Variants in ERICH6B observed in about 807,000 individuals in gnomAD.
ERICH6B encodes glutamate rich 6B, also known as glutamate-rich protein 6B.
ERICH6B carries 69 observed loss-of-function variants against 80.0 expected under a neutral mutation model. That is an observed-to-expected ratio of 0.86 (90% CI 0.71 to 1.05). The LOEUF is 1.05. ERICH6B is among the 50% of genes least tolerant of loss of function. ERICH6B has a pLI of 0.00. For synonymous variants in ERICH6B, 283 were observed against 291.9 expected (o/e 0.97, Z 0.31); for missense variants, 754 against 796.1 (o/e 0.95, Z 0.64).
chr13:45,593,413 T>C (rs558157057), intron 3 of ERICH6B, among the ~76,000 whole-genome samples: 1 of 152,198 alleles, frequency 6.6e-6, no homozygotes, highest in African/African-American at 2.4e-5. Flanking sequence ...ATACATCATG[T>C]AATATAATAA....
At chr13:45,557,264 C>T (rs1874480405) in intron 11 of ERICH6B, among the ~76,000 whole-genome samples, 1 of 151,604 alleles carries the variant, frequency 6.6e-6, no homozygotes, top group African/African-American at 2.4e-5. Flanking sequence ...TGTCCTTGGC[C>T]CATTTTTTGA....
In ERICH6B at chr13:45,563,721, G is replaced by A; in HGVS notation, c.1249+6C>T. ...ACGTGGTGGAAAATGGTGGAGTGGTGCCTACCTTCACGTCTCCTCTTAATC... is the reference window on the plus strand; with the variant it reads ...ACGTGGTGGAAAATGGTGGAGTGGTACCTACCTTCACGTCTCCTCTTAATC... On this transcript the variant is annotated splice_donor_region_variant and intron_variant, in intron 10 of 14. Coordinates refer to ENST00000298738, the MANE Select transcript of ERICH6B (RefSeq NM_182542.3). 1 of 1,552,048 alleles carries A rather than the reference G, an allele frequency of 6.4e-7. No homozygotes were observed. The highest frequency in any genetic ancestry group is 1.2e-5 in the South Asian group (1 of 84,050).
intron 3 of ERICH6B, 76 bp downstream of exon 3, chr13:45,596,293 C>A (rs1876364994): frequency 6.9e-7 from 1 of 1,455,522 alleles, no homozygotes; most frequent in East Asian, 2.5e-5. Context: ...TTTCCAGATA[C>A]TCTTCTTCAT....
Position 45,596,660 on chromosome 13 carries a change from G to GATACTCTTCCTCTTCAAT in ERICH6B, c.328_345dup (p.Ile110_Tyr115dup). 6.4e-7 allele frequency: 1 copy of GATACTCTTCCTCTTCAAT among 1,551,386 alleles called. No homozygotes were observed. The highest frequency in any genetic ancestry group is 8.7e-7 in the Non-Finnish European group (1 of 1,146,690). ...TCCTCCAGATACCCTTCCTTCCCCA[G>GATACTCTTCCTCTTCAAT]ATACTCTTCCTCTTCAATATACTCT... On this transcript the variant is annotated inframe_insertion, in exon 3 of 15. Transcript: ENST00000298738.
At position 45,606,523 on chromosome 13, in the gene ERICH6B, ATATATATATATATATATATATATAT is replaced by A. The variant is rs1949863103; in HGVS notation, c.-59+1016_-59+1040del. On this transcript the variant is annotated intron_variant, in intron 2 of 14. Transcript: ENST00000298738. ...TGTATGTGTATATATATATATATAT[ATATATATATATATATATATATATAT>A]TTTTTTTTTTTTTTTTTTTTTTGGA... 2.0e-4 allele frequency among the ~76,000 whole-genome samples: 7 copies of A among 34,402 alleles called. No homozygotes were observed. In the South Asian group the frequency reaches 6.6e-3, roughly 33 times the overall value. The allele number at this position is 34,402 out of a possible 152,430, so 22.6% of individuals were successfully genotyped here.
chr13:45,590,785 G>T, intron 3 of ERICH6B, 88 bp from the exon 4 acceptor site: 2 of 1,071,328 alleles, frequency 1.9e-6, no homozygotes, highest in Non-Finnish European at 2.7e-6. Context: ...CGTGGAGAGG[G>T]CCCTAGTTAT....
At chr13:45,592,300 C>T (rs947499912) in intron 3 of ERICH6B, among the ~76,000 whole-genome samples, 4 of 152,260 alleles carry the variant, frequency 2.6e-5, no homozygotes, top group Non-Finnish European at 5.9e-5. Context: ...AAGAAACCAG[C>T]TCTGGGGCTC....
chr13:45,561,605 G>C (rs1874686313), intron 10 of ERICH6B, 79 bp from the exon 11 acceptor site: 1 of 1,470,030 alleles, frequency 6.8e-7, no homozygotes, highest in Non-Finnish European at 9.1e-7. Flanking sequence ...TCTCTCTCAA[G>C]GTGCCAAAGG....
At chr13:45,577,900 A>G (rs1875490055) in intron 7 of ERICH6B, among the ~76,000 whole-genome samples, 1 of 152,066 alleles carries the variant, frequency 6.6e-6, no homozygotes, top group South Asian at 2.1e-4. Context: ...GCCTCTTAAC[A>G]TTTTTCTTGA....
chr13:45,596,702 C>G lies in ERICH6B; in HGVS notation c.304G>C (p.Gly102Arg). Reference protein sequence around the residue: ...LEEEEYLEKAGYLEEEEYIEE... With the variant: ...LEEEEYLEKARYLEEEEYIEE... ...ATATACTCTTCCTCCTCCAGATACCCTGCCTTCTCCAGATACTCTTCCTCC... is the reference window on the plus strand; with the variant it reads ...ATATACTCTTCCTCCTCCAGATACCGTGCCTTCTCCAGATACTCTTCCTCC... The change falls in exon 3 of 15, where the codon GGG becomes CGG. Residue 102 changes from glycine (G) to arginine (R), a missense_variant. Physicochemically the swap from Gly to Arg is moderately radical, Grantham distance 125. Transcript: ENST00000298738. The G allele has an allele frequency of 6.4e-7, 1 of 1,551,962 alleles. No homozygotes were observed. The highest frequency in any genetic ancestry group is 8.7e-7 in the Non-Finnish European group (1 of 1,147,042).
chr13:45,564,093 G>A (rs948032623), intron 9 of ERICH6B, among the ~76,000 whole-genome samples: 1 of 152,208 alleles, frequency 6.6e-6, no homozygotes, highest in African/African-American at 2.4e-5. Context: ...AGAGCAGGGA[G>A]GTCCAAATGC....
intron 8 of ERICH6B, among the ~76,000 whole-genome samples, chr13:45,570,167 A>G (rs928282694): frequency 6.6e-6 from 1 of 152,152 alleles, no homozygotes; most frequent in Non-Finnish European, 1.5e-5. Flanking sequence ...AACTATCCCT[A>G]TCATCATGGT....
chr13:45,582,182 G>A (rs997296621), intron 5 of ERICH6B, among the ~76,000 whole-genome samples: 24 of 152,192 alleles, frequency 1.6e-4, no homozygotes, highest in African/African-American at 5.5e-4. Flanking sequence ...CTTCTGTTGA[G>A]CCCCCACCAA....
Position 45,587,139 on chromosome 13 carries a change from C to T in ERICH6B, c.780G>A (p.Glu260=), listed in dbSNP as rs773716324. The change falls in exon 5 of 15, where the codon GAG becomes GAA. Residue 260 remains glutamate, a synonymous_variant. Coordinates refer to ENST00000298738, the MANE Select transcript of ERICH6B (RefSeq NM_182542.3). ...ACAATGTCAGAAGCAACTCAGAAGA[C>T]TCTGTGGCAGATTCAGAGACAGGAG... ...TPSPVSESAT[E]SSELLLTLYR... 3.9e-6 allele frequency: 6 copies of T among 1,551,700 alleles called. No individual in the cohort carries two copies. Among genetic ancestry groups the T allele is most frequent in the South Asian group, 1.2e-5 (1 of 84,064 alleles).
intron 2 of ERICH6B, among the ~76,000 whole-genome samples, chr13:45,598,463 G>A (rs906670923): frequency 6.6e-6 from 1 of 152,080 alleles, no homozygotes; most frequent in Non-Finnish European, 1.5e-5. Context: ...GCTTGCTTTG[G>A]GGACTTAAGA....
intron 4 of ERICH6B, 65 bp downstream of exon 4, chr13:45,590,584 G>T: frequency 6.9e-7 from 1 of 1,452,530 alleles, no homozygotes; most frequent in Non-Finnish European, 9.4e-7. Flanking sequence ...GTTCTCCAAG[G>T]GCTGCTGAAA....
At chr13:45,604,245 C>T (rs187469722) in intron 2 of ERICH6B, among the ~76,000 whole-genome samples, 3 of 152,390 alleles carry the variant, frequency 2.0e-5, no homozygotes, top group South Asian at 2.1e-4. Context: ...CTAACCAGGA[C>T]GTTACATTTT....
intron 9 of ERICH6B, among the ~76,000 whole-genome samples, chr13:45,565,272 C>T (rs1874863978): frequency 6.6e-6 from 1 of 152,156 alleles, no homozygotes; most frequent in Non-Finnish European, 1.5e-5. Flanking sequence ...CTTTTGTGAA[C>T]ACCTGAACTT....
At chr13:45,604,420 C>A (rs11843831) in intron 2 of ERICH6B, among the ~76,000 whole-genome samples, 6,584 of 152,240 alleles carry the variant, frequency 0.043, 476 homozygotes, top group African/African-American at 0.15. Context: ...TCCATCCATC[C>A]GTCAGGGGAG....
Sources: allele counts gnomAD v4.1 joint callset (sites outside exome capture counted in the v4.1 genomes callset), GRCh38; gene constraint gnomAD v4.1.1; transcripts MANE v1.5; gene names NCBI Gene and HGNC (gene_info 2026-07-23, HGNC 2026-07-21).